Variants in LRFN5 observed in about 807,000 individuals in gnomAD.
LRFN5 encodes the protein leucine rich repeat and fibronectin type III domain containing 5, also known as leucine-rich repeat and fibronectin type-III domain-containing protein 5.
A neutral mutation model predicts 45.6 loss-of-function variants in LRFN5; 24 were observed. The ratio of observed to expected loss-of-function variants is 0.53; its 90% CI spans 0.38 to 0.74. The LOEUF (loss-of-function observed/expected upper bound fraction) is 0.74, where lower values mean the gene tolerates loss of function less well. Among genes scored for constraint, LRFN5 ranks in the 30% least tolerant of loss-of-function variants. LRFN5 has a pLI of 0.00. For synonymous variants in LRFN5, 340 were observed against 313.8 expected (o/e 1.08, Z -0.88); for missense variants, 776 against 861.5 (o/e 0.90, Z 1.24).
intron 1 of LRFN5, among the ~76,000 whole-genome samples, chr14:41,623,690 G>C (rs1888220334): frequency 6.6e-6 from 1 of 152,018 alleles, no homozygotes; most frequent in Non-Finnish European, 1.5e-5. Context: ...AGTTTTAATT[G>C]GAAACTGTAG....
intron 5 of LRFN5, 37 bp from the exon 6 acceptor site, chr14:41,904,121 C>G (rs376764771): frequency 3.3e-6 from 5 of 1,520,044 alleles, no homozygotes; most frequent in South Asian, 1.1e-5. Context: ...TTCTTCCTTT[C>G]TTTCTTTTTT....
chr14:41,669,213 T>A (rs1301360942), intron 1 of LRFN5, among the ~76,000 whole-genome samples: 1 of 151,620 alleles, frequency 6.6e-6, no homozygotes, highest in African/African-American at 2.4e-5. Context: ...GAGGAAAACA[T>A]GAGGACATTT....
chr14:41,701,281 CATA>C (rs1282514794), intron 1 of LRFN5: 2 of 152,124 alleles, frequency 1.3e-5, no homozygotes, highest in East Asian at 3.9e-4. Context: ...TTACTCAGCT[CATA>C]ATATGAACCA....
intron 2 of LRFN5, among the ~76,000 whole-genome samples, chr14:41,768,262 G>A (rs887985569): frequency 2.0e-5 from 3 of 152,124 alleles, no homozygotes. Flanking sequence ...TAGGCAGCCA[G>A]TATGTTGTTG....
chr14:41,724,079 C>G (rs915746487), intron 1 of LRFN5, among the ~76,000 whole-genome samples: 1 of 152,104 alleles, frequency 6.6e-6, no homozygotes, highest in African/African-American at 2.4e-5. Context: ...GGTTCTGTGC[C>G]TCTCTCACGT....
chr14:41,795,711 G>T (rs1887099421), intron 2 of LRFN5, among the ~76,000 whole-genome samples: 1 of 151,930 alleles, frequency 6.6e-6, no homozygotes, highest in African/African-American at 2.4e-5. Context: ...TCACTCATAG[G>T]TGGGAATTGA....
At chr14:41,899,034 A>T in intron 5 of LRFN5, 74 bp downstream of exon 5, 1 of 1,190,260 alleles carries the variant, frequency 8.4e-7, no homozygotes. Flanking sequence ...AACTTTAAGT[A>T]ATTAGTTTGC....
At chr14:41,703,424 T>TA (rs541419725) in intron 1 of LRFN5, among the ~76,000 whole-genome samples, 1 of 152,138 alleles carries the variant, frequency 6.6e-6, no homozygotes, top group South Asian at 2.1e-4. Flanking sequence ...TGTCAGCTTG[T>TA]AAAAAACTGC....
At chr14:41,833,976 A>G (rs1397292653) in intron 2 of LRFN5, among the ~76,000 whole-genome samples, 1 of 152,210 alleles carries the variant, frequency 6.6e-6, no homozygotes, top group African/African-American at 2.4e-5. Flanking sequence ...TGAGGGCATG[A>G]TGTTTTGAAT....
intron 2 of LRFN5, among the ~76,000 whole-genome samples, chr14:41,884,067 TA>T (rs1890481021): frequency 6.6e-6 from 1 of 152,184 alleles, no homozygotes; most frequent in South Asian, 2.1e-4. Context: ...CTCTTTTTGC[TA>T]GTACACTGCC....
intron 1 of LRFN5, among the ~76,000 whole-genome samples, chr14:41,720,081 G>A (rs558641463): frequency 6.6e-6 from 1 of 152,158 alleles, no homozygotes; most frequent in East Asian, 1.9e-4. Context: ...CAAGCAGCTA[G>A]TGAGTATTGT....
rs1017468058 is a variant in LRFN5, at chr14:41,904,378, A to AT, written c.*212dup. 201 of 497,450 alleles carry AT rather than the reference A, an allele frequency of 4.0e-4. No homozygotes were observed. Among genetic ancestry groups the AT allele is most frequent in the South Asian group, 8.1e-4 (19 of 23,414 alleles). The allele number at this position is 497,450 out of a possible 1,614,324, so 30.8% of individuals were successfully genotyped here. A position where few individuals can be genotyped will look rare whatever the true frequency, so the allele number is the denominator to read the frequency against. On this transcript the variant is annotated 3_prime_UTR_variant, in exon 6 of 6. Transcript: ENST00000298119. ...ATGGTTCATCCTCTTTTAAAACCAA[A>AT]TTTTTTTTTCTTCTGGCCTACAAGT... is the stretch of plus-strand genomic sequence containing the variant.
At chr14:41,706,877 T>C (rs1883088925) in intron 1 of LRFN5, among the ~76,000 whole-genome samples, 1 of 152,194 alleles carries the variant, frequency 6.6e-6, no homozygotes, top group African/African-American at 2.4e-5. Flanking sequence ...AATGGTGGCT[T>C]TCTACTATAA....
intron 1 of LRFN5, among the ~76,000 whole-genome samples, chr14:41,748,207 A>T (rs1172795336): frequency 6.6e-6 from 1 of 152,112 alleles, no homozygotes; most frequent in Non-Finnish European, 1.5e-5. Flanking sequence ...AGATATCAAA[A>T]AATGTATTTG....
rs541650827 is a variant in LRFN5 at position 41,641,365 on chromosome 14, A to G, written c.-197+32803A>G. Among the ~76,000 whole-genome samples, 46 of 152,230 alleles carry G rather than the reference A, an allele frequency of 3.0e-4. No homozygotes were observed. The South Asian group carries it at 8.7e-3, about 29-fold the overall frequency. On this transcript the variant is annotated intron_variant, in intron 1 of 5. Transcript: ENST00000298119. ...GAATTCATCTTTCTCTTTCACCATC[A>G]TTAAGACAATTTTTCCCGTACCATT...
chr14:41,761,563 A>G (rs1594685328), intron 1 of LRFN5, among the ~76,000 whole-genome samples: 1 of 152,154 alleles, frequency 6.6e-6, no homozygotes, highest in East Asian at 1.9e-4. Context: ...CCTATGGTCC[A>G]AAGAACAGAG....
At chr14:41,861,325 T>G (rs1232853081) in intron 2 of LRFN5, among the ~76,000 whole-genome samples, 1 of 152,222 alleles carries the variant, frequency 6.6e-6, no homozygotes, top group Non-Finnish European at 1.5e-5. Flanking sequence ...GTTTCTTTGC[T>G]TATTCATTGC....
At chr14:41,890,898 C>G (rs1890757813) in intron 3 of LRFN5, among the ~76,000 whole-genome samples, 1 of 152,182 alleles carries the variant, frequency 6.6e-6, no homozygotes, top group East Asian at 1.9e-4. Flanking sequence ...ATTGTAAGTG[C>G]TAAATGGATT....
In LRFN5 at chr14:41,689,771, TGTA is replaced by T. The variant is rs1359680425; in HGVS notation, c.-196-77080_-196-77078del. The stretch of plus-strand genomic sequence containing the variant: ...TTAGCCGGGCGTGATGGCGGGCGCC[TGTA>T]GTCCCAGCTACTCGGGAGGCTGAGG... On this transcript the variant is annotated intron_variant, in intron 1 of 5. Coordinates refer to ENST00000298119, the MANE Select transcript of LRFN5 (RefSeq NM_152447.5). Among the ~76,000 whole-genome samples the T allele has an allele frequency of 2.1e-4, 32 of 150,232 alleles. 1 individual carries two copies. In the East Asian group the frequency reaches 5.9e-3, roughly 28 times the overall value.
Sources: allele counts gnomAD v4.1 joint callset (sites outside exome capture counted in the v4.1 genomes callset), GRCh38; gene constraint gnomAD v4.1.1; transcripts MANE v1.5; gene names NCBI Gene and HGNC (gene_info 2026-07-23, HGNC 2026-07-21).